The following RALYL variants were observed in gnomAD, a reference collection of about 807,000 sequenced individuals.
RALYL encodes RALY RNA binding protein like, also known as RNA-binding Raly-like protein.
RALYL carries 29 observed loss-of-function variants against 35.1 expected under a neutral mutation model. The observed-to-expected ratio is 0.83, with a 90% CI of 0.61 to 1.13. The LOEUF (loss-of-function observed/expected upper bound fraction) is 1.13. RALYL is among the 50% of genes most tolerant of loss of function. The pLI is 0.00. For missense variants in RALYL, 359 were observed against 360.4 expected, an observed-to-expected ratio of 1.00 and a Z score of 0.03; for synonymous variants, 120 against 127.6, an observed-to-expected ratio of 0.94 and a Z score of 0.40.
intron 2 of RALYL, among the ~76,000 whole-genome samples, chr8:84,767,445 G>C (rs1429220867): frequency 6.6e-6 from 1 of 152,054 alleles, no homozygotes; most frequent in Non-Finnish European, 1.5e-5. Flanking sequence ...TTGAACCTGA[G>C]GTTTAATATC....
At chr8:84,732,683 T>TATACACACACACAC in intron 2 of RALYL, among the ~76,000 whole-genome samples, 1 of 133,232 alleles carries the variant, frequency 7.5e-6, no homozygotes, top group African/African-American at 3.0e-5. Context: ...TATATATATA[T>TATACACACACACAC]ACACACACAC....
At chr8:84,869,602 T>A (rs1216597271) in intron 6 of RALYL, among the ~76,000 whole-genome samples, 1 of 152,102 alleles carries the variant, frequency 6.6e-6, no homozygotes, top group African/African-American at 2.4e-5. Flanking sequence ...TGTAGGATGT[T>A]GAGCAGACTA....
Position 84,185,521 on chromosome 8 carries a change from A to C in RALYL, c.-24+1097A>C, listed in dbSNP as rs1348999832. ...GCAATAAAAAGCCTTTTCTGTATTT[A>C]ACACTGTGACCGAATCTGCTGGAAA... On this transcript the variant is annotated intron_variant, in intron 1 of 8. Transcript: ENST00000521268. Among the ~76,000 whole-genome samples the C allele has an allele frequency of 2.6e-5, 4 of 152,100 alleles. No homozygotes were observed. In the East Asian group the frequency reaches 5.8e-4, roughly 22 times the overall value.
At chr8:84,307,062 A>C (rs934310324) in intron 1 of RALYL, among the ~76,000 whole-genome samples, 8 of 152,122 alleles carry the variant, frequency 5.3e-5, no homozygotes, top group Non-Finnish European at 1.2e-4. Context: ...TAGGATCAAC[A>C]AGTGAGGCTT....
chr8:84,318,587 C>T (rs1164071402), intron 1 of RALYL, among the ~76,000 whole-genome samples: 2 of 152,166 alleles, frequency 1.3e-5, no homozygotes, highest in South Asian at 2.1e-4. Flanking sequence ...TTTTTGCTCA[C>T]TAATTTTCTT....
intron 1 of RALYL, among the ~76,000 whole-genome samples, chr8:84,528,931 G>C (rs72679357): frequency 6.6e-6 from 1 of 152,196 alleles, no homozygotes; most frequent in Non-Finnish European, 1.5e-5. Context: ...TCTATCATCA[G>C]ACCTTAGCCA....
intron 1 of RALYL, among the ~76,000 whole-genome samples, chr8:84,387,941 C>A (rs907544172): frequency 6.6e-6 from 1 of 151,704 alleles, no homozygotes; most frequent in Non-Finnish European, 1.5e-5. Flanking sequence ...TGCACTGCAC[C>A]CACTAACTCG....
At chr8:84,454,936 A>G (rs1334516531) in intron 1 of RALYL, among the ~76,000 whole-genome samples, 1 of 152,084 alleles carries the variant, frequency 6.6e-6, no homozygotes, top group African/African-American at 2.4e-5. Flanking sequence ...AGTAGAGAAT[A>G]CTCTTCACAC....
chr8:84,552,748 T>C (rs1256972583), intron 2 of RALYL, among the ~76,000 whole-genome samples: 1 of 152,018 alleles, frequency 6.6e-6, no homozygotes, highest in Non-Finnish European at 1.5e-5. Context: ...AGTTGACTTC[T>C]TGTTGCAACT....
chr8:84,581,422 G>T, intron 2 of RALYL, among the ~76,000 whole-genome samples: 1 of 152,220 alleles, frequency 6.6e-6, no homozygotes, highest in Non-Finnish European at 1.5e-5. Context: ...ATTCATCAGA[G>T]ATTTCATGTC....
chr8:84,834,919 G>T (rs530906598), intron 4 of RALYL, among the ~76,000 whole-genome samples: 97 of 152,256 alleles, frequency 6.4e-4, no homozygotes, highest in Admixed American at 1.1e-3. Flanking sequence ...ATGATCTAGT[G>T]AGATAGACTC....
intron 2 of RALYL, among the ~76,000 whole-genome samples, chr8:84,584,150 T>C (rs1048387741): frequency 2.0e-5 from 3 of 152,168 alleles, no homozygotes; most frequent in African/African-American, 7.2e-5. Flanking sequence ...ATTAAGTTAT[T>C]GAAGTCCATA....
intron 8 of RALYL, among the ~76,000 whole-genome samples, chr8:84,919,037 A>G (rs765736352): frequency 3.3e-5 from 5 of 152,044 alleles, no homozygotes; most frequent in African/African-American, 7.2e-5. Context: ...CATAGTTGCT[A>G]AACAGTCATT....
At chr8:84,842,959 G>A (rs1025586611) in intron 4 of RALYL, among the ~76,000 whole-genome samples, 2 of 152,060 alleles carry the variant, frequency 1.3e-5, no homozygotes, top group East Asian at 3.9e-4. Context: ...GTATTGATAG[G>A]ATGTATCTCA....
chr8:84,384,606 G>A (rs1478849276), intron 1 of RALYL, among the ~76,000 whole-genome samples: 1 of 151,756 alleles, frequency 6.6e-6, no homozygotes, highest in South Asian at 2.1e-4. Flanking sequence ...TTACATGGGT[G>A]CAATGAAATT....
intron 1 of RALYL, among the ~76,000 whole-genome samples, chr8:84,522,495 C>G (rs559763711): frequency 6.6e-6 from 1 of 151,908 alleles, no homozygotes; most frequent in Non-Finnish European, 1.5e-5. Flanking sequence ...GTGATCCGCC[C>G]GCCTCGGCCT....
intron 1 of RALYL, among the ~76,000 whole-genome samples, chr8:84,247,856 C>G (rs1829426234): frequency 1.3e-5 from 2 of 152,098 alleles, no homozygotes; most frequent in South Asian, 4.1e-4. Flanking sequence ...AATGGTGGGA[C>G]TCAGACTATC....
intron 2 of RALYL, among the ~76,000 whole-genome samples, chr8:84,723,404 T>C (rs898277595): frequency 6.6e-6 from 1 of 152,070 alleles, no homozygotes; most frequent in Admixed American, 6.6e-5. Context: ...TCACACTTAA[T>C]CATAGTGGTT....
chr8:84,641,219 T>A (rs1202677235), intron 2 of RALYL, among the ~76,000 whole-genome samples: 1 of 151,636 alleles, frequency 6.6e-6, no homozygotes, highest in African/African-American at 2.4e-5. Flanking sequence ...TTACCTTTTT[T>A]AAATAAGTAA....
Sources: allele counts gnomAD v4.1 joint callset (sites outside exome capture counted in the v4.1 genomes callset), GRCh38; gene constraint gnomAD v4.1.1; transcripts MANE v1.5; gene names NCBI Gene and HGNC (gene_info 2026-07-23, HGNC 2026-07-21).